The following TMCO5A variants were observed in gnomAD, a reference collection of about 807,000 sequenced individuals.
TMCO5A encodes the protein transmembrane and coiled-coil domains 5A, also known as transmembrane and coiled-coil domain-containing protein 5A.
TMCO5A carries 34 observed loss-of-function variants against 42.3 expected under a neutral mutation model. The ratio of observed to expected loss-of-function variants is 0.80; its 90% CI spans 0.61 to 1.07. The LOEUF (loss-of-function observed/expected upper bound fraction) is 1.07, where lower values mean the gene tolerates loss of function less well. TMCO5A is among the 50% of genes least tolerant of loss of function. The pLI, the probability that TMCO5A is intolerant of heterozygous loss-of-function variation, is 0.00. For synonymous variants in TMCO5A, 131 were observed against 115.6 expected, an observed-to-expected ratio of 1.13 and a Z score of -0.86; for missense variants, 357 against 327.9, an observed-to-expected ratio of 1.09 and a Z score of -0.69.
At chr15:38,013,509 A>G in the TMCO5A span, among the ~76,000 whole-genome samples, 7 of 152,116 alleles carry the variant, frequency 4.6e-5, no homozygotes, top group Non-Finnish European at 8.8e-5. Flanking sequence ...TAACAGCCAC[A>G]CTCTTGTCAT....
chr15:37,970,745 T>C (rs187985078), downstream of TMCO5A, among the ~76,000 whole-genome samples: 16 of 152,316 alleles, frequency 1.1e-4, no homozygotes, highest in East Asian at 3.1e-3. Flanking sequence ...ACAAAGGGGC[T>C]ACAGGCCCCA....
intron 11 of TMCO5A, among the ~76,000 whole-genome samples, chr15:37,964,405 G>T (rs528072908): frequency 1.3e-5 from 2 of 152,182 alleles, no homozygotes; most frequent in Admixed American, 6.5e-5. Flanking sequence ...GGTGTCTTCC[G>T]GGTCCTGCAG....
the TMCO5A span, among the ~76,000 whole-genome samples, chr15:37,978,007 G>T: frequency 1.3e-5 from 2 of 152,298 alleles, no homozygotes; most frequent in East Asian, 3.9e-4. Flanking sequence ...TTCCTTCCCA[G>T]TCTGAAGTCA....
At chr15:38,010,044 G>C in the TMCO5A span, among the ~76,000 whole-genome samples, 2 of 152,074 alleles carry the variant, frequency 1.3e-5, no homozygotes, top group African/African-American at 4.8e-5. Context: ...ATTATTAATA[G>C]AGTGGACCCT....
chr15:37,979,877 A>G, the TMCO5A span, among the ~76,000 whole-genome samples: 2 of 152,174 alleles, frequency 1.3e-5, no homozygotes, highest in Non-Finnish European at 2.9e-5. Flanking sequence ...ACTGAGGGTA[A>G]GTGGGGGCAG....
At chr15:37,958,469 C>T (rs1890345776) in intron 11 of TMCO5A, among the ~76,000 whole-genome samples, 1 of 152,134 alleles carries the variant, frequency 6.6e-6, no homozygotes, top group Non-Finnish European at 1.5e-5. Flanking sequence ...GACATTTATG[C>T]AGCCAACAAA....
intron 3 of TMCO5A, 63 bp from the exon 4 acceptor site, chr15:37,936,782 CTG>C (rs1889527940): frequency 1.3e-6 from 2 of 1,596,312 alleles, no homozygotes; most frequent in Non-Finnish European, 1.7e-6. Context: ...TATCTGAAAT[CTG>C]TGTTTTATCA....
At chr15:37,979,956 T>C in the TMCO5A span, among the ~76,000 whole-genome samples, 1 of 151,752 alleles carries the variant, frequency 6.6e-6, no homozygotes, top group Non-Finnish European at 1.5e-5. Context: ...TGAAAAACAT[T>C]CTGGCCACTT....
At chr15:37,950,669 A>G (rs936162961) in intron 11 of TMCO5A, among the ~76,000 whole-genome samples, 1 of 152,204 alleles carries the variant, frequency 6.6e-6, no homozygotes, top group Non-Finnish European at 1.5e-5. Flanking sequence ...ATCTGATAAT[A>G]TCAAGTGTTG....
In TMCO5A at chr15:37,937,436, A is replaced by C. The variant is rs765573774; in HGVS notation, c.315+40A>C. On this transcript the variant is annotated intron_variant, in intron 5 of 11. Coordinates refer to ENST00000319669, the MANE Select transcript of TMCO5A (RefSeq NM_152453.4). ...TTGTGTTCTCCAGTGCCCCCACAAC[A>C]GCCCCATTCATCAAAGGGGCAAGGT... The C allele has an allele frequency of 1.0e-5, 16 of 1,607,390 alleles. No individual in the cohort carries two copies. The Admixed American group carries it at 1.0e-4, about 10-fold the overall frequency.
chr15:38,015,525 T>C, the TMCO5A span, among the ~76,000 whole-genome samples: 1 of 151,288 alleles, frequency 6.6e-6, no homozygotes, highest in African/African-American at 2.4e-5. Context: ...ACCCTAATCA[T>C]AAAATCTATA....
chr15:38,009,146 G>C, the TMCO5A span, among the ~76,000 whole-genome samples: 38 of 152,290 alleles, frequency 2.5e-4, no homozygotes, highest in East Asian at 1.5e-3. Context: ...TCCTAATCTG[G>C]AATCCATTAC....
intron 11 of TMCO5A, among the ~76,000 whole-genome samples, chr15:37,961,026 C>T (rs1436895646): frequency 6.6e-6 from 1 of 152,136 alleles, no homozygotes; most frequent in African/African-American, 2.4e-5. Flanking sequence ...TTTTGCCATA[C>T]AAAAGCTCTT....
chr15:38,029,453 A>T, the TMCO5A span, among the ~76,000 whole-genome samples: 2 of 152,056 alleles, frequency 1.3e-5, no homozygotes, highest in African/African-American at 2.4e-5. Flanking sequence ...CATAATCCAC[A>T]AAATCAGTAG....
At chr15:37,993,881 G>A in the TMCO5A span, among the ~76,000 whole-genome samples, 1 of 152,074 alleles carries the variant, frequency 6.6e-6, no homozygotes, top group African/African-American at 2.4e-5. Context: ...GCTAAAAGCT[G>A]AACTTACCCA....
chr15:37,941,176 T>G lies in TMCO5A; in HGVS notation c.415T>G (p.Tyr139Asp). ...TAAGTTACAACAGCTGGAAGCTTCCTATGCATGCCAAGAGAAGGAGCTGCT... is the reference window on the plus strand; with the variant it reads ...TAAGTTACAACAGCTGGAAGCTTCCGATGCATGCCAAGAGAAGGAGCTGCT... ...KVKLQQLEASYACQEKELLKV... is the reference protein window; with the variant it reads ...KVKLQQLEASDACQEKELLKV... The change falls in exon 7 of 12, where the codon TAT (tyrosine) becomes GAT (aspartate). Residue 139 changes from tyrosine (Y) to aspartate (D), a missense_variant. Transcript: ENST00000319669. 1 of 1,613,214 alleles carries G rather than the reference T, an allele frequency of 6.2e-7. No homozygotes were observed. The highest frequency in any genetic ancestry group is 8.5e-7 in the Non-Finnish European group (1 of 1,179,542).
the TMCO5A span, among the ~76,000 whole-genome samples, chr15:37,974,175 G>A: frequency 6.6e-6 from 1 of 152,058 alleles, no homozygotes; most frequent in Non-Finnish European, 1.5e-5. Flanking sequence ...ATATTTTGTT[G>A]AGGAATTTTG....
the TMCO5A span, among the ~76,000 whole-genome samples, chr15:38,033,374 GTTAT>G: frequency 6.6e-6 from 1 of 152,042 alleles, no homozygotes; most frequent in African/African-American, 2.4e-5. Context: ...GTGCTATTCT[GTTAT>G]TTTACTTGAT....
chr15:37,957,042 C>G (rs189914417), intron 11 of TMCO5A, among the ~76,000 whole-genome samples: 4 of 152,226 alleles, frequency 2.6e-5, no homozygotes, highest in Non-Finnish European at 4.4e-5. Context: ...ATTCAACAGC[C>G]CTTCATGCTA....
Sources: gnomAD v4.1 joint callset for allele counts (sites outside exome capture counted in the v4.1 genomes callset) on GRCh38, gnomAD v4.1.1 for gene constraint, MANE v1.5 for transcripts, NCBI Gene and HGNC (gene_info 2026-07-23, HGNC 2026-07-21) for gene names.